The following STPG4 variants were observed in gnomAD, a reference collection of about 807,000 sequenced individuals.
The protein encoded by STPG4 is protein STPG4.
Under a neutral mutation model 31.5 loss-of-function variants are expected in STPG4, and 41 were observed. The observed-to-expected ratio is 1.30, with a 90% CI of 1.01 to 1.69. The LOEUF (loss-of-function observed/expected upper bound fraction) is 1.69, where lower values mean the gene tolerates loss of function less well. STPG4 is among the 40% of genes most tolerant of loss of function. STPG4 has a pLI of 0.00. For synonymous variants in STPG4, 141 were observed against 103.0 expected, an observed-to-expected ratio of 1.37 and a Z score of -2.24; for missense variants, 375 against 293.4, an observed-to-expected ratio of 1.28 and a Z score of -2.03.
intron 4 of STPG4, 55 bp from the exon 5 acceptor site, chr2:47,130,050 C>A: frequency 6.8e-7 from 1 of 1,476,868 alleles, no homozygotes; most frequent in South Asian, 1.2e-5. Context: ...TTTTAAAGAT[C>A]TTTGTTAACT....
intron 5 of STPG4, among the ~76,000 whole-genome samples, chr2:47,109,862 G>C (rs1400324975): frequency 6.6e-6 from 1 of 152,192 alleles, no homozygotes; most frequent in Non-Finnish European, 1.5e-5. Context: ...TCACAATGCT[G>C]GTTTGAGGGC....
intron 5 of STPG4, among the ~76,000 whole-genome samples, chr2:47,103,969 T>G (rs13001814): frequency 0.055 from 8,430 of 152,034 alleles, 433 homozygotes; most frequent in African/African-American, 0.11. Context: ...AACCAGGTAT[T>G]TCTCCCACCT....
intron 5 of STPG4, among the ~76,000 whole-genome samples, chr2:47,119,697 G>C (rs1054460582): frequency 2.6e-5 from 4 of 152,160 alleles, no homozygotes; most frequent in Non-Finnish European, 4.4e-5. Flanking sequence ...GAACAGACTA[G>C]GGGCTGCTCA....
chr2:47,102,579 CA>C (rs1327108466), intron 5 of STPG4, among the ~76,000 whole-genome samples: 2 of 151,824 alleles, frequency 1.3e-5, no homozygotes, highest in Non-Finnish European at 1.5e-5. Context: ...CACAACTATG[CA>C]AAGCTTGCAA....
intron 5 of STPG4, among the ~76,000 whole-genome samples, chr2:47,094,759 G>C (rs917637636): frequency 3.3e-5 from 5 of 152,188 alleles, no homozygotes; most frequent in African/African-American, 1.2e-4. Context: ...AAGGCCAGGA[G>C]CTTTCATCTT....
intron 5 of STPG4, among the ~76,000 whole-genome samples, chr2:47,092,651 G>T (rs1475630291): frequency 6.7e-6 from 1 of 148,456 alleles, no homozygotes; most frequent in Admixed American, 6.7e-5. Flanking sequence ...GAGGAGAAAG[G>T]GAGGGGAGGG....
At chr2:47,127,252 C>CT (rs57475505) in intron 5 of STPG4, among the ~76,000 whole-genome samples, 705 of 57,414 alleles carry the variant, frequency 0.012, 135 homozygotes, top group African/African-American at 0.014. Context: ...CAAGCTAATT[C>CT]TTTTTTTTTT....
At chr2:47,098,952 T>A (rs992492547) in intron 5 of STPG4, among the ~76,000 whole-genome samples, 4 of 152,158 alleles carry the variant, frequency 2.6e-5, no homozygotes, top group African/African-American at 9.7e-5. Flanking sequence ...CGCTGGTGGA[T>A]GGGGTAGAAG....
At chr2:47,093,923 G>A (rs1464896703) in intron 5 of STPG4, among the ~76,000 whole-genome samples, 4 of 152,236 alleles carry the variant, frequency 2.6e-5, no homozygotes, top group African/African-American at 9.6e-5. Flanking sequence ...AACAGCTCTA[G>A]CAGAGTCCCC....
intron 3 of STPG4, among the ~76,000 whole-genome samples, chr2:47,131,566 G>A (rs968629238): frequency 6.6e-6 from 1 of 152,202 alleles, no homozygotes; most frequent in Non-Finnish European, 1.5e-5. Context: ...GGAGTGAGAG[G>A]CACCTACAGA....
chr2:47,093,194 GTTA>G (rs1485477780), intron 5 of STPG4, among the ~76,000 whole-genome samples: 5 of 152,194 alleles, frequency 3.3e-5, no homozygotes, highest in African/African-American at 1.2e-4. Context: ...AATGGAGTCT[GTTA>G]TTATCAGCCA....
chr2:47,144,761 T>C (rs556819271), intron 3 of STPG4, among the ~76,000 whole-genome samples: 1 of 152,260 alleles, frequency 6.6e-6, no homozygotes, highest in South Asian at 2.1e-4. Context: ...GATGAAGTCT[T>C]GCTCTGTCGC....
intron 1 of STPG4, 145 bp from the exon 2 acceptor site, chr2:47,153,161 A>G: frequency 1.8e-6 from 1 of 544,666 alleles, no homozygotes; most frequent in Non-Finnish European, 3.2e-6. Context: ...ATAATAATAA[A>G]TTTGCCCATA....
chr2:47,139,407 A>ATT (rs33970494), intron 3 of STPG4, among the ~76,000 whole-genome samples: 102,994 of 147,236 alleles, frequency 0.7, 36,803 homozygotes, highest in East Asian at 0.91. Flanking sequence ...CTCCTGCTTT[A>ATT]TTTTTTTTTT....
At chr2:47,124,031 G>T (rs1408296885) in intron 5 of STPG4, among the ~76,000 whole-genome samples, 1 of 151,422 alleles carries the variant, frequency 6.6e-6, no homozygotes, top group Admixed American at 6.6e-5. Flanking sequence ...TGCCCATTCT[G>T]GTGTGCAGTG....
intron 3 of STPG4, among the ~76,000 whole-genome samples, chr2:47,139,560 T>C (rs973253235): frequency 6.6e-6 from 1 of 152,166 alleles, no homozygotes; most frequent in African/African-American, 2.4e-5. Context: ...AAATGGGTGG[T>C]CTTTTTCTTC....
At chr2:47,146,683 C>T (rs887954065) in intron 3 of STPG4, among the ~76,000 whole-genome samples, 12 of 151,998 alleles carry the variant, frequency 7.9e-5, no homozygotes, top group African/African-American at 2.4e-4. Flanking sequence ...TTGAGTGAGA[C>T]TGGATGAGAT....
chr2:47,100,029 T>C (rs953531484), intron 5 of STPG4, among the ~76,000 whole-genome samples: 8 of 152,070 alleles, frequency 5.3e-5, no homozygotes, highest in Non-Finnish European at 1.0e-4. Context: ...TTCCATGGGC[T>C]CCTGTACAGC....
At chr2:47,097,037 G>C (rs1363896856) in intron 5 of STPG4, among the ~76,000 whole-genome samples, 2 of 152,148 alleles carry the variant, frequency 1.3e-5, no homozygotes, top group African/African-American at 4.8e-5. Context: ...AAGATAGGGA[G>C]GACACAGGTG....
Sources: allele counts gnomAD v4.1 joint callset (sites outside exome capture counted in the v4.1 genomes callset), GRCh38; gene constraint gnomAD v4.1.1; transcripts MANE v1.5; gene names NCBI Gene and HGNC (gene_info 2026-07-23, HGNC 2026-07-21).